Variants in GAST observed in about 807,000 individuals in gnomAD.
GAST encodes the protein preprogastrin.
Under a neutral mutation model 12.5 loss-of-function variants are expected in GAST, and 9 were observed. That is an observed-to-expected ratio of 0.72 (90% CI 0.43 to 1.25). The LOEUF (loss-of-function observed/expected upper bound fraction) is 1.25, where lower values mean the gene tolerates loss of function less well. Ranked by LOEUF, GAST falls within the 50% of genes most tolerant of loss-of-function variation. The pLI is 0.00. For missense variants in GAST, 121 were observed against 127.7 expected (o/e 0.95, Z 0.25); for synonymous variants, 52 against 51.1 (o/e 1.02, Z -0.08).
intron 1 of GAST, 32 bp from the exon 2 acceptor site, chr17:41,715,400 A>C (rs1597726913): frequency 6.4e-7 from 1 of 1,562,844 alleles, no homozygotes; most frequent in Non-Finnish European, 8.8e-7. Context: ...GGACAGCCTC[A>C]CCCTTAAGCT....
chr17:41,712,807 C>G (rs886167924), intron 1 of GAST, among the ~76,000 whole-genome samples: 5 of 152,314 alleles, frequency 3.3e-5, no homozygotes, highest in Admixed American at 6.5e-5. Flanking sequence ...CTTTCCTAGA[C>G]CAGTGCCATC....
Position 41,715,469 on chromosome 17 carries a change from T to C in GAST, c.33T>C (p.Phe11=). 6.2e-7 allele frequency: 1 copy of C among 1,613,980 alleles called. No individual in the cohort carries two copies. Among genetic ancestry groups the C allele is most frequent in the Non-Finnish European group, 8.5e-7 (1 of 1,179,996 alleles). Residue 11 remains phenylalanine (F), a synonymous_variant, in exon 2 of 3, where the codon TTT becomes TTC. Coordinates refer to ENST00000329402, the MANE Select transcript of GAST (RefSeq NM_000805.5). MQRLCVYVLI[F]ALALAAFSEA... ...GACTGTGTGTGTATGTGCTGATCTT[T>C]GCACTGGCTCTGGCCGCCTTCTCTG...
intron 1 of GAST, among the ~76,000 whole-genome samples, chr17:41,714,212 G>A (rs559753937): frequency 5.9e-5 from 9 of 152,074 alleles, no homozygotes; most frequent in South Asian, 4.2e-4. Flanking sequence ...TCACTCTGTC[G>A]CCCAGGCTGG....
At chr17:41,714,304 C>A (rs1425296895) in intron 1 of GAST, among the ~76,000 whole-genome samples, 2 of 152,138 alleles carry the variant, frequency 1.3e-5, no homozygotes, top group Non-Finnish European at 2.9e-5. Context: ...TCCCAAGTAG[C>A]TGGGAATACA....
intron 1 of GAST, among the ~76,000 whole-genome samples, chr17:41,713,779 ATTT>A (rs1555585483): frequency 1.3e-5 from 2 of 152,186 alleles, no homozygotes; most frequent in African/African-American, 4.8e-5. Context: ...ACAAGAGAAA[ATTT>A]TTATCATTTT....
intron 1 of GAST, among the ~76,000 whole-genome samples, chr17:41,714,366 T>C (rs1910921516): frequency 6.6e-6 from 1 of 150,794 alleles, no homozygotes; most frequent in South Asian, 2.1e-4. Context: ...AGAGATGGGG[T>C]TTCAGTATGT....
intron 1 of GAST, among the ~76,000 whole-genome samples, chr17:41,713,693 T>G (rs1910908995): frequency 6.6e-6 from 1 of 152,044 alleles, no homozygotes; most frequent in African/African-American, 2.4e-5. Context: ...AGAGCAAGAT[T>G]CTGTCTCACA....
intron 1 of GAST, among the ~76,000 whole-genome samples, chr17:41,713,617 A>G (rs1910907127): frequency 6.6e-6 from 1 of 152,180 alleles, no homozygotes; most frequent in Non-Finnish European, 1.5e-5. Flanking sequence ...GGATCTCTTG[A>G]GCCCAAGAGG....
At chr17:41,714,861 T>C (rs139507904) in intron 1 of GAST, among the ~76,000 whole-genome samples, 1 of 152,180 alleles carries the variant, frequency 6.6e-6, no homozygotes, top group African/African-American at 2.4e-5. Flanking sequence ...AGGGAAACCA[T>C]TGCCCTAGGA....
intron 1 of GAST, among the ~76,000 whole-genome samples, chr17:41,713,211 C>G (rs1334969160): frequency 1.3e-5 from 2 of 152,136 alleles, no homozygotes; most frequent in African/African-American, 4.8e-5. Context: ...GCCACTGCAC[C>G]TGACCATAAT....
At position 41,715,578 on chromosome 17, in the gene GAST, G is replaced by A. The variant is rs781994438; in HGVS notation, c.142G>A (p.Glu48Lys). ...ANRDLELPWL[E>K]QQGPASHHRR... Reference sequence around the variant, plus strand: ...CAGGGACCTGGAGCTACCCTGGCTGGAGCAGCAGGGCCCAGCCTCTCATCA... The same window carrying A: ...CAGGGACCTGGAGCTACCCTGGCTGAAGCAGCAGGGCCCAGCCTCTCATCA... Residue 48 changes from glutamate (E) to lysine (K), a missense_variant, in exon 2 of 3, where the codon GAG (glutamate) becomes AAG (lysine). Coordinates refer to ENST00000329402, the MANE Select transcript of GAST (RefSeq NM_000805.5). The A allele has an allele frequency of 3.7e-6, 6 of 1,613,396 alleles. No individual in the cohort carries two copies. The highest frequency in any genetic ancestry group is 4.5e-5 in the East Asian group (2 of 44,876).
In GAST at chr17:41,715,965, G is replaced by A; in HGVS notation, c.*93G>A. On this transcript the variant is annotated 3_prime_UTR_variant, in exon 3 of 3. Transcript: ENST00000329402. Reference sequence around the variant, plus strand: ...CTGATCAAAAATAAACTAGTTTCCAGTGGATCAATGGACTGTGTCAGTGTT... The same window carrying A: ...CTGATCAAAAATAAACTAGTTTCCAATGGATCAATGGACTGTGTCAGTGTT... The A allele has an allele frequency of 1.1e-6, 1 of 931,352 alleles. No individual in the cohort carries two copies. The highest frequency in any genetic ancestry group is 1.6e-6 in the Non-Finnish European group (1 of 617,626). The allele number at this position is 931,352 out of a possible 1,614,324, so 57.7% of individuals were successfully genotyped here. A position where few individuals can be genotyped will look rare whatever the true frequency, so the allele number is the denominator to read the frequency against.
At chr17:41,715,066 A>T (rs181557686) in intron 1 of GAST, among the ~76,000 whole-genome samples, 1 of 152,258 alleles carries the variant, frequency 6.6e-6, no homozygotes, top group Non-Finnish European at 1.5e-5. Flanking sequence ...TGGGAGGCCG[A>T]GGCGGGTGGA....
At chr17:41,713,021 T>C (rs1027699099) in intron 1 of GAST, among the ~76,000 whole-genome samples, 1 of 151,950 alleles carries the variant, frequency 6.6e-6, no homozygotes, top group African/African-American at 2.4e-5. Context: ...GTTCAAGCAA[T>C]TCTCCTGACT....
chr17:41,712,605 C>T (rs76604302), intron 1 of GAST, among the ~76,000 whole-genome samples: 6,228 of 152,304 alleles, frequency 0.041, 202 homozygotes, highest in African/African-American at 0.089. Context: ...CTGCCGCAGC[C>T]GGGGCCCTGC....
At chr17:41,715,717 T>C (rs1910964544) in intron 2 of GAST, 61 bp from the exon 3 acceptor site, 2 of 1,598,222 alleles carry the variant, frequency 1.3e-6, no homozygotes, top group Non-Finnish European at 1.7e-6. Flanking sequence ...AGACTGGCTC[T>C]GACTTCAGTT....
At chr17:41,713,450 G>A (rs1454663759) in intron 1 of GAST, among the ~76,000 whole-genome samples, 1 of 152,080 alleles carries the variant, frequency 6.6e-6, no homozygotes, top group Admixed American at 6.6e-5. Context: ...CAACACTTTG[G>A]GAGGCTGAAG....
chr17:41,715,688 G>T, intron 2 of GAST, 41 bp downstream of exon 2: 1 of 1,605,800 alleles, frequency 6.2e-7, no homozygotes. Flanking sequence ...ACTTGGCCAG[G>T]TTTGGCCAAG....
At chr17:41,712,862 G>A (rs1045962256) in intron 1 of GAST, among the ~76,000 whole-genome samples, 24 of 152,198 alleles carry the variant, frequency 1.6e-4, no homozygotes, top group African/African-American at 5.8e-4. Context: ...CATCTGCACT[G>A]TTCAATATGG....
Sources: gnomAD v4.1 joint callset for allele counts (sites outside exome capture counted in the v4.1 genomes callset) on GRCh38, gnomAD v4.1.1 for gene constraint, MANE v1.5 for transcripts, NCBI Gene and HGNC (gene_info 2026-07-23, HGNC 2026-07-21) for gene names.